Variants in KCNMB2 observed in about 807,000 individuals in gnomAD.
The protein encoded by KCNMB2 is potassium calcium-activated channel subfamily M regulatory beta subunit 2.
A neutral mutation model predicts 24.5 loss-of-function variants in KCNMB2; 9 were observed. That is an observed-to-expected ratio of 0.37 (90% confidence interval 0.22 to 0.64). The LOEUF is 0.64. KCNMB2 is among the 30% of genes least tolerant of loss of function. KCNMB2 has a pLI of 0.63. For synonymous variants in KCNMB2, 109 were observed against 104.4 expected, an observed-to-expected ratio of 1.04 and a Z score of -0.27; for missense variants, 226 against 284.3, an observed-to-expected ratio of 0.79 and a Z score of 1.47.
intron 1 of KCNMB2, among the ~76,000 whole-genome samples, chr3:178,663,986 A>C (rs576103148): frequency 4.5e-4 from 68 of 152,274 alleles, no homozygotes; most frequent in African/African-American, 1.5e-3. Context: ...AAGAAAAACT[A>C]GTCCTTCTAA....
At position 178,614,299 on chromosome 3, in the gene KCNMB2, A is replaced by G. The variant is rs1302817496; in HGVS notation, c.-68+77588A>G. Among the ~76,000 whole-genome samples, 286 of 97,694 alleles carry G rather than the reference A, an allele frequency of 2.9e-3. 2 individuals are homozygous for G. Among genetic ancestry groups the G allele is most frequent in the African/African-American group, 9.7e-3 (262 of 27,052 alleles). 64.1% of individuals were successfully genotyped at this position (97,694 alleles called of 152,430 possible). A position where few individuals can be genotyped will look rare whatever the true frequency, so the allele number is the denominator to read the frequency against. The stretch of plus-strand genomic sequence containing the variant: ...TATATATATATATATATATATATGT[A>G]TGTATATATATGTATGTGTATATAT... On this transcript the variant is annotated intron_variant, in intron 1 of 4. Coordinates refer to ENST00000452583, the MANE Select transcript of KCNMB2 (RefSeq NM_181361.3).
chr3:178,677,178 C>T (rs1024006934), intron 1 of KCNMB2, among the ~76,000 whole-genome samples: 3 of 152,200 alleles, frequency 2.0e-5, no homozygotes, highest in African/African-American at 7.2e-5. Flanking sequence ...AAAGCACTTG[C>T]CACAACTCTG....
At chr3:178,630,156 C>T (rs1454829856) in intron 1 of KCNMB2, among the ~76,000 whole-genome samples, 1 of 152,124 alleles carries the variant, frequency 6.6e-6, no homozygotes, top group Non-Finnish European at 1.5e-5. Flanking sequence ...TTAAGAGACT[C>T]TCTGCTACAG....
At chr3:178,791,427 G>A (rs964575875) in intron 1 of KCNMB2, among the ~76,000 whole-genome samples, 5 of 152,110 alleles carry the variant, frequency 3.3e-5, no homozygotes, top group African/African-American at 1.2e-4. Context: ...TTAAAACACA[G>A]TCAGAGGAGA....
rs190670336 is a variant in KCNMB2 at position 178,654,631 on chromosome 3, C to T, written c.-68+117920C>T. Among the ~76,000 whole-genome samples the T allele has an allele frequency of 3.5e-3, 530 of 152,184 alleles. 6 individuals carry two copies. The highest frequency in any genetic ancestry group is 4.2e-3 in the Non-Finnish European group (286 of 67,994). ...TTGAGGCATAGCCTTGAATTATATT[C>T]CAATACTTAGACTTTTTTTAAAAAA... On this transcript the variant is annotated intron_variant, in intron 1 of 4. Coordinates refer to ENST00000452583, the MANE Select transcript of KCNMB2 (RefSeq NM_181361.3).
intron 1 of KCNMB2, among the ~76,000 whole-genome samples, chr3:178,539,454 T>C (rs952612465): frequency 2.0e-5 from 3 of 152,186 alleles, no homozygotes; most frequent in African/African-American, 7.2e-5. Flanking sequence ...ATTATATCAA[T>C]AGTAAGAATA....
chr3:178,542,850 C>G (rs1189020485), intron 1 of KCNMB2, among the ~76,000 whole-genome samples: 1 of 152,154 alleles, frequency 6.6e-6, no homozygotes, highest in Non-Finnish European at 1.5e-5. Flanking sequence ...CCCTGAATAT[C>G]TTGGTTTGAA....
At chr3:178,586,905 C>A (rs1342768372) in intron 1 of KCNMB2, among the ~76,000 whole-genome samples, 1 of 152,118 alleles carries the variant, frequency 6.6e-6, no homozygotes, top group Non-Finnish European at 1.5e-5. Context: ...TAAAACTATT[C>A]TCTTATACTT....
At chr3:178,811,458 A>G (rs1714189584) in intron 2 of KCNMB2, among the ~76,000 whole-genome samples, 1 of 152,148 alleles carries the variant, frequency 6.6e-6, no homozygotes, top group Non-Finnish European at 1.5e-5. Context: ...CTTCATGTAA[A>G]TGGAATCATG....
chr3:178,659,627 A>G (rs887666413), intron 1 of KCNMB2, among the ~76,000 whole-genome samples: 13 of 152,208 alleles, frequency 8.5e-5, no homozygotes, highest in African/African-American at 2.9e-4. Context: ...GATTTGGTCA[A>G]TTTCTGCACT....
chr3:178,582,408 T>C (rs1717247816), intron 1 of KCNMB2, among the ~76,000 whole-genome samples: 1 of 152,080 alleles, frequency 6.6e-6, no homozygotes, highest in Non-Finnish European at 1.5e-5. Flanking sequence ...ATACCTAATG[T>C]AGGTGACAGG....
chr3:178,557,679 G>GAA, intron 1 of KCNMB2, among the ~76,000 whole-genome samples: 1 of 152,300 alleles, frequency 6.6e-6, no homozygotes, highest in Middle Eastern at 3.4e-3. Flanking sequence ...ACAGATAGAA[G>GAA]AATAGTAACG....
At chr3:178,612,576 A>G (rs1718519190) in intron 1 of KCNMB2, among the ~76,000 whole-genome samples, 1 of 151,746 alleles carries the variant, frequency 6.6e-6, no homozygotes, top group Admixed American at 6.6e-5. Context: ...TTTTGTTTTT[A>G]TTGGTATAAA....
At chr3:178,630,513 C>G (rs1719280624) in intron 1 of KCNMB2, among the ~76,000 whole-genome samples, 1 of 152,204 alleles carries the variant, frequency 6.6e-6, no homozygotes, top group African/African-American at 2.4e-5. Flanking sequence ...TATTTTGCCA[C>G]CTGGTTCCTA....
intron 2 of KCNMB2, among the ~76,000 whole-genome samples, chr3:178,817,227 A>ATATATATATAT (rs1408060884): frequency 4.7e-5 from 7 of 148,342 alleles, no homozygotes; most frequent in African/African-American, 1.3e-4. Context: ...ATATATATAT[A>ATATATATATAT]AATGAAGTGT....
At chr3:178,768,549 A>C (rs1167414694) in intron 1 of KCNMB2, among the ~76,000 whole-genome samples, 1 of 152,200 alleles carries the variant, frequency 6.6e-6, no homozygotes, top group African/African-American at 2.4e-5. Context: ...TATAATACAC[A>C]CTATAGAAAG....
rs1724219853 is a variant in KCNMB2 at position 178,757,989 on chromosome 3, ATATATATATC to A, written c.-67-49351_-67-49342del. Among the ~76,000 whole-genome samples, 3 of 3,178 alleles carry A rather than the reference ATATATATATC, an allele frequency of 9.4e-4. 1 individual carries two copies. The highest frequency in any genetic ancestry group is 5.8e-3 in the African/African-American group (3 of 520). 2.1% of individuals were successfully genotyped at this position (3,178 alleles called of 152,430 possible). On this transcript the variant is annotated intron_variant, in intron 1 of 4. Coordinates refer to ENST00000452583, the MANE Select transcript of KCNMB2 (RefSeq NM_181361.3). ...TATATATATAGACACAAGAGGATATATATATATATCTAGATATATATATATATATATCTAG... is the reference window on the plus strand; with the variant it reads ...TATATATATAGACACAAGAGGATATATAGATATATATATATATATATCTAG...
intron 1 of KCNMB2, among the ~76,000 whole-genome samples, chr3:178,773,872 T>A (rs921077962): frequency 2.6e-5 from 4 of 152,222 alleles, no homozygotes; most frequent in Non-Finnish European, 4.4e-5. Flanking sequence ...AGTACAGAGT[T>A]TTCTGCTTCA....
At chr3:178,625,040 G>T (rs1053804192) in intron 1 of KCNMB2, among the ~76,000 whole-genome samples, 2 of 152,138 alleles carry the variant, frequency 1.3e-5, no homozygotes, top group African/African-American at 4.8e-5. Flanking sequence ...AGGGCACAGG[G>T]GTGGCTCCTG....
Sources: gnomAD v4.1 joint callset for allele counts (sites outside exome capture counted in the v4.1 genomes callset) on GRCh38, gnomAD v4.1.1 for gene constraint, MANE v1.5 for transcripts, NCBI Gene and HGNC (gene_info 2026-07-23, HGNC 2026-07-21) for gene names.